L3MBTL4: variants seen among roughly 807,000 people sequenced by gnomAD.
The protein encoded by L3MBTL4 is lethal(3)malignant brain tumor-like protein 4.
A neutral mutation model predicts 84.5 loss-of-function variants in L3MBTL4; 70 were observed. That is an observed-to-expected ratio of 0.83 (90% CI 0.68 to 1.01). L3MBTL4 has a LOEUF of 1.01. L3MBTL4 is among the 50% of genes least tolerant of loss of function. The pLI is 0.00. For missense variants in L3MBTL4, 715 were observed against 754.8 expected, an observed-to-expected ratio of 0.95 and a Z score of 0.62; for synonymous variants, 274 against 259.8, an observed-to-expected ratio of 1.05 and a Z score of -0.52.
chr18:6,331,421 C>A (rs747793004), intron 1 of L3MBTL4, among the ~76,000 whole-genome samples: 1 of 152,088 alleles, frequency 6.6e-6, no homozygotes, highest in South Asian at 2.1e-4. Flanking sequence ...TCAATTATAA[C>A]AAAACTGCCC....
intron 16 of L3MBTL4, among the ~76,000 whole-genome samples, chr18:5,988,729 CA>C (rs1477565928): frequency 3.9e-5 from 6 of 152,058 alleles, no homozygotes; most frequent in African/African-American, 1.4e-4. Flanking sequence ...TGGGCTAGAT[CA>C]GGGGTTGTCA....
chr18:6,133,812 T>C (rs1237450677), intron 14 of L3MBTL4, among the ~76,000 whole-genome samples: 2 of 152,132 alleles, frequency 1.3e-5, no homozygotes, highest in East Asian at 3.9e-4. Flanking sequence ...CCTGATAAGA[T>C]CTCAGGAGTT....
chr18:6,069,725 C>G (rs1285289799), intron 16 of L3MBTL4, among the ~76,000 whole-genome samples: 1 of 152,096 alleles, frequency 6.6e-6, no homozygotes, highest in East Asian at 1.9e-4. Flanking sequence ...TCACCCAGCT[C>G]CCATGCAGTT....
chr18:6,301,868 T>G (rs1185826515), intron 4 of L3MBTL4, 35 bp downstream of exon 4: 7 of 1,533,254 alleles, frequency 4.6e-6, no homozygotes, highest in Non-Finnish European at 6.3e-6. Context: ...ATTTGTTCAC[T>G]GTGAACTACC....
intron 1 of L3MBTL4, among the ~76,000 whole-genome samples, chr18:6,383,210 C>A (rs1351537701): frequency 7.9e-5 from 12 of 152,094 alleles, no homozygotes; most frequent in Admixed American, 7.9e-4. Context: ...GTGCTGACGG[C>A]AAGAATTTCA....
At chr18:6,328,880 C>G (rs1053874420) in intron 1 of L3MBTL4, among the ~76,000 whole-genome samples, 1 of 152,170 alleles carries the variant, frequency 6.6e-6, no homozygotes, top group African/African-American at 2.4e-5. Flanking sequence ...ACTGAATACA[C>G]AGAGCTCTGC....
chr18:6,179,370 G>C (rs654429), intron 12 of L3MBTL4, among the ~76,000 whole-genome samples: 1 of 152,156 alleles, frequency 6.6e-6, no homozygotes, highest in Non-Finnish European at 1.5e-5. Flanking sequence ...TTTCATTCTA[G>C]AGAGGAGAAC....
At chr18:5,973,852 C>T (rs1295009422) in intron 16 of L3MBTL4, among the ~76,000 whole-genome samples, 2 of 152,222 alleles carry the variant, frequency 1.3e-5, no homozygotes, top group Non-Finnish European at 2.9e-5. Flanking sequence ...TGCACGACCT[C>T]ATTGCCGTCA....
At chr18:6,265,788 G>A (rs931301259) in intron 4 of L3MBTL4, among the ~76,000 whole-genome samples, 6 of 152,166 alleles carry the variant, frequency 3.9e-5, no homozygotes, top group Non-Finnish European at 7.3e-5. Flanking sequence ...GCAGTGCTTA[G>A]AAAGGTGGTT....
At chr18:5,991,149 C>T (rs551733783) in intron 16 of L3MBTL4, among the ~76,000 whole-genome samples, 5 of 152,256 alleles carry the variant, frequency 3.3e-5, no homozygotes, top group African/African-American at 1.2e-4. Context: ...ATGGCACTTC[C>T]ACAGACAGGC....
At chr18:6,246,568 C>T (rs977187038) in intron 5 of L3MBTL4, among the ~76,000 whole-genome samples, 1 of 152,118 alleles carries the variant, frequency 6.6e-6, no homozygotes, top group Non-Finnish European at 1.5e-5. Context: ...TATTGCTTAA[C>T]ATCTGAATGC....
intron 4 of L3MBTL4, among the ~76,000 whole-genome samples, chr18:6,277,139 G>T (rs955081677): frequency 3.3e-5 from 4 of 119,914 alleles, no homozygotes; most frequent in Non-Finnish European, 6.6e-5. Context: ...GACTGTTGTG[G>T]GGTGGGGGGA....
chr18:6,152,642 G>A (rs935293120), intron 13 of L3MBTL4, among the ~76,000 whole-genome samples: 2 of 152,046 alleles, frequency 1.3e-5, no homozygotes, highest in Admixed American at 6.6e-5. Flanking sequence ...TTATATACAT[G>A]GAGATAACCC....
intron 17 of L3MBTL4, among the ~76,000 whole-genome samples, chr18:5,965,019 T>C (rs2052274667): frequency 6.6e-6 from 1 of 152,234 alleles, no homozygotes; most frequent in South Asian, 2.1e-4. Flanking sequence ...CTGTACAAGA[T>C]ATTTTCATGA....
At chr18:6,317,033 C>T (rs954908562) in intron 1 of L3MBTL4, among the ~76,000 whole-genome samples, 1 of 144,326 alleles carries the variant, frequency 6.9e-6, no homozygotes, top group African/African-American at 2.6e-5. Flanking sequence ...AATAAATGCA[C>T]ACTGTGGGGA....
intron 13 of L3MBTL4, among the ~76,000 whole-genome samples, chr18:6,142,519 T>C (rs1568191436): frequency 6.6e-6 from 1 of 152,196 alleles, no homozygotes; most frequent in Admixed American, 6.5e-5. Context: ...GTGAAACACA[T>C]TGAAGCATAA....
At chr18:6,255,373 T>C (rs1210501919) in intron 5 of L3MBTL4, among the ~76,000 whole-genome samples, 2 of 152,228 alleles carry the variant, frequency 1.3e-5, no homozygotes, top group Non-Finnish European at 2.9e-5. Flanking sequence ...TCAGATCTGC[T>C]CAACTATTTC....
At chr18:6,408,096 C>CA (rs2055810800) in intron 1 of L3MBTL4, among the ~76,000 whole-genome samples, 1 of 152,078 alleles carries the variant, frequency 6.6e-6, no homozygotes, top group African/African-American at 2.4e-5. Context: ...CAGACTTAAA[C>CA]AATGGAAAAC....
At chr18:6,156,529 T>C (rs1394876003) in intron 13 of L3MBTL4, among the ~76,000 whole-genome samples, 1 of 152,228 alleles carries the variant, frequency 6.6e-6, no homozygotes, top group Non-Finnish European at 1.5e-5. Flanking sequence ...TCCAGTTCCC[T>C]TCCCCTGCCA....
Sources: gnomAD v4.1 joint callset for allele counts (sites outside exome capture counted in the v4.1 genomes callset) on GRCh38, gnomAD v4.1.1 for gene constraint, MANE v1.5 for transcripts, NCBI Gene and HGNC (gene_info 2026-07-23, HGNC 2026-07-21) for gene names.